MGAT5: variants seen among roughly 807,000 people sequenced by gnomAD.
MGAT5 encodes alpha-1,6-mannosylglycoprotein 6-beta-N-acetylglucosaminyltransferase, also known as alpha-1,6-mannosylglycoprotein 6-beta-N-acetylglucosaminyltransferase A.
In MGAT5, 30 loss-of-function variants were observed where a neutral mutation model predicts 94.3. That is an observed-to-expected ratio of 0.32 (90% CI 0.24 to 0.43). The LOEUF is 0.43. Ranked by LOEUF, MGAT5 falls within the 20% of genes least tolerant of loss-of-function variation. The pLI is 1.00. For synonymous variants in MGAT5, 310 were observed against 322.9 expected, an observed-to-expected ratio of 0.96 and a Z score of 0.43; for missense variants, 691 against 905.5, an observed-to-expected ratio of 0.76 and a Z score of 3.04.
intron 2 of MGAT5, among the ~76,000 whole-genome samples, chr2:134,272,958 T>A (rs1439196255): frequency 1.3e-5 from 2 of 152,238 alleles, no homozygotes; most frequent in East Asian, 3.9e-4. Flanking sequence ...TCTCAGTGTC[T>A]GCTCTCAGGC....
chr2:134,341,427 T>C (rs1688625434), intron 6 of MGAT5, among the ~76,000 whole-genome samples, 163 bp from the exon 7 acceptor site: 2 of 152,170 alleles, frequency 1.3e-5, no homozygotes, highest in South Asian at 4.1e-4. Flanking sequence ...CAATGAAAAA[T>C]GATTTCCTTC....
At position 134,275,578 on chromosome 2, in the gene MGAT5, CTTTTTTTT is replaced by C. The variant is rs11409592; in HGVS notation, c.406+5046_406+5053del. 2.6e-3 allele frequency among the ~76,000 whole-genome samples: 208 copies of C among 79,596 alleles called. 1 individual carries two copies. The East Asian group carries it at 0.028, about 11-fold the overall frequency. The allele number at this position is 79,596 out of a possible 152,430, so 52.2% of individuals were successfully genotyped here. A position where few individuals can be genotyped will look rare whatever the true frequency, so the allele number is the denominator to read the frequency against. ...TTCACAAATGAAGAGGTGCTATTTC[CTTTTTTTT>C]TTTTTTTTTTTTTTTTTGAGACAGT... On this transcript the variant is annotated intron_variant, in intron 2 of 15. Coordinates refer to ENST00000281923, the MANE Select transcript of MGAT5 (RefSeq NM_002410.5).
Position 134,131,445 on chromosome 2 carries a change from G to C in MGAT5, c.-143+11154G>C, listed in dbSNP as rs139902382. 4.8e-3 allele frequency among the ~76,000 whole-genome samples: 731 copies of C among 152,222 alleles called. 3 individuals carry two copies. The highest frequency in any genetic ancestry group is 0.017 in the African/African-American group (687 of 41,518). The stretch of plus-strand genomic sequence containing the variant: ...AGTATTCTTTTCACTCTGCTTTTCT[G>C]CCTTACAAGCGATAAGGCAAAAACA... On this transcript the variant is annotated intron_variant, in intron 1 of 16. Coordinates refer to the MGAT5 transcript ENST00000409645.
At chr2:134,384,527 A>G (rs1681849188) in intron 10 of MGAT5, among the ~76,000 whole-genome samples, 1 of 152,250 alleles carries the variant, frequency 6.6e-6, no homozygotes, top group South Asian at 2.1e-4. Flanking sequence ...ACAAAGTCTC[A>G]GTTAAAAAAA....
At chr2:134,122,167 C>T (rs1353217011) in intron 1 of MGAT5, among the ~76,000 whole-genome samples, 1 of 151,714 alleles carries the variant, frequency 6.6e-6, no homozygotes, top group African/African-American at 2.4e-5. Flanking sequence ...TGCAATGGTG[C>T]GATCTCGGCT....
At chr2:134,390,975 C>G (rs570514632) in intron 10 of MGAT5, among the ~76,000 whole-genome samples, 1 of 152,094 alleles carries the variant, frequency 6.6e-6, no homozygotes. Flanking sequence ...TAAAGGTCTT[C>G]GTTTCTTGGA....
At chr2:134,430,856 C>T (rs1201028133) in intron 14 of MGAT5, among the ~76,000 whole-genome samples, 4 of 152,182 alleles carry the variant, frequency 2.6e-5, no homozygotes, top group East Asian at 3.8e-4. Context: ...CAAGTAGCTG[C>T]AAGTTTCATG....
At chr2:134,225,846 A>G (rs1275170458) in intron 1 of MGAT5, among the ~76,000 whole-genome samples, 1 of 152,218 alleles carries the variant, frequency 6.6e-6, no homozygotes, top group Admixed American at 6.5e-5. Context: ...TCTTTATCCC[A>G]CTGCTGGGGT....
intron 10 of MGAT5, among the ~76,000 whole-genome samples, chr2:134,372,368 G>A (rs1680865077): frequency 6.6e-6 from 1 of 152,174 alleles, no homozygotes; most frequent in African/African-American, 2.4e-5. Flanking sequence ...CATGTGGGGT[G>A]CAAAACATGG....
At chr2:134,402,876 A>G (rs746302447) in intron 10 of MGAT5, 112 bp from the exon 11 acceptor site, 26 of 1,085,206 alleles carry the variant, frequency 2.4e-5, no homozygotes, top group Non-Finnish European at 2.9e-5. Flanking sequence ...TGATCTCCAT[A>G]TTAAGAACTC....
At chr2:134,309,901 AG>A (rs1246994250) in intron 2 of MGAT5, among the ~76,000 whole-genome samples, 1 of 152,220 alleles carries the variant, frequency 6.6e-6, no homozygotes, top group Non-Finnish European at 1.5e-5. Context: ...TAAATGACAG[AG>A]GGTATGACAA....
At chr2:134,287,642 A>C (rs555698594) in intron 2 of MGAT5, among the ~76,000 whole-genome samples, 1 of 152,238 alleles carries the variant, frequency 6.6e-6, no homozygotes, top group Non-Finnish European at 1.5e-5. Flanking sequence ...CCTTCTGCCC[A>C]GGGGCTGCCA....
At chr2:134,374,369 G>A (rs540806006) in intron 10 of MGAT5, among the ~76,000 whole-genome samples, 98 of 152,274 alleles carry the variant, frequency 6.4e-4, no homozygotes, top group Non-Finnish European at 8.1e-4. Context: ...GCAGATCCAT[G>A]TCATAAACAC....
intron 10 of MGAT5, among the ~76,000 whole-genome samples, chr2:134,383,679 C>T (rs143077278): frequency 7.9e-4 from 120 of 152,044 alleles, no homozygotes; most frequent in African/African-American, 2.8e-3. Context: ...ATACCTGTCA[C>T]CTGTTTTTGT....
chr2:134,154,137 G>C (rs1300301712), intron 1 of MGAT5, among the ~76,000 whole-genome samples: 1 of 152,112 alleles, frequency 6.6e-6, no homozygotes, highest in Non-Finnish European at 1.5e-5. Context: ...ATAATACATA[G>C]ACTTTGTGGC....
intron 10 of MGAT5, among the ~76,000 whole-genome samples, chr2:134,397,909 A>G (rs1340659507): frequency 6.6e-6 from 1 of 152,224 alleles, no homozygotes; most frequent in Non-Finnish European, 1.5e-5. Flanking sequence ...GTTACGTTAC[A>G]GTAACAGTAA....
intron 4 of MGAT5, among the ~76,000 whole-genome samples, chr2:134,321,472 A>T (rs1035594461): frequency 3.9e-5 from 6 of 152,108 alleles, no homozygotes; most frequent in Non-Finnish European, 8.8e-5. Flanking sequence ...TCCCTTTGTC[A>T]CACTTCACCC....
chr2:134,310,827 C>T (rs1686607566), intron 2 of MGAT5, among the ~76,000 whole-genome samples: 1 of 152,180 alleles, frequency 6.6e-6, no homozygotes, highest in South Asian at 2.1e-4. Flanking sequence ...TGATTTATTG[C>T]CATCCACTCC....
intron 2 of MGAT5, among the ~76,000 whole-genome samples, chr2:134,276,666 C>T (rs1260840339): frequency 1.3e-5 from 2 of 152,044 alleles, no homozygotes; most frequent in Admixed American, 6.6e-5. Flanking sequence ...GTTCCCTGGG[C>T]CGTGGCAGTT....
Sources: gnomAD v4.1 joint callset for allele counts (sites outside exome capture counted in the v4.1 genomes callset) on GRCh38, gnomAD v4.1.1 for gene constraint, MANE v1.5 for transcripts, NCBI Gene and HGNC (gene_info 2026-07-23, HGNC 2026-07-21) for gene names.